The following ADGRV1 variants were observed in gnomAD, a reference collection of about 807,000 sequenced individuals.
ADGRV1 encodes G-protein coupled receptor 98.
ADGRV1 carries 359 observed loss-of-function variants against 596.2 expected under a neutral mutation model. That is an observed-to-expected ratio of 0.60 (90% CI 0.55 to 0.66). The LOEUF (loss-of-function observed/expected upper bound fraction) is 0.66, where lower values mean the gene tolerates loss of function less well. ADGRV1 is among the 30% of genes least tolerant of loss of function. The pLI, the probability that ADGRV1 is intolerant of heterozygous loss-of-function variation, is 0.00. For synonymous variants in ADGRV1, 2,681 were observed against 2,679.2 expected (o/e 1.00, Z -0.02); for missense variants, 7,274 against 7,575.6 (o/e 0.96, Z 1.48).
intron 53 of ADGRV1, 39 bp downstream of exon 53, chr5:90,750,736 T>C (rs1293110077): frequency 6.4e-7 from 1 of 1,552,560 alleles, no homozygotes; most frequent in Non-Finnish European, 8.9e-7. Flanking sequence ...ACTTTTAAAT[T>C]ATGGTTACTA....
intron 85 of ADGRV1, among the ~76,000 whole-genome samples, chr5:91,009,167 C>T (rs930538636): frequency 6.6e-6 from 1 of 152,142 alleles, no homozygotes; most frequent in African/African-American, 2.4e-5. Context: ...TGAGTTCTTT[C>T]AAGCTTGACA....
At chr5:90,592,880 A>C (rs763919084) in intron 1 of ADGRV1, among the ~76,000 whole-genome samples, 2 of 152,232 alleles carry the variant, frequency 1.3e-5, no homozygotes, top group Non-Finnish European at 2.9e-5. Flanking sequence ...GAGAAATGCA[A>C]ATCAAAACCA....
intron 87 of ADGRV1, among the ~76,000 whole-genome samples, chr5:91,119,321 T>A (rs1793111538): frequency 1.3e-5 from 2 of 152,228 alleles, no homozygotes; most frequent in African/African-American, 4.8e-5. Context: ...ACTGGGTTCC[T>A]GAAGTCAGCC....
rs201009629 is a variant in ADGRV1 at position 90,691,029 on chromosome 5, G to A, written c.6939G>A (p.Pro2313=). The change falls in exon 31 of 90, where the codon CCG becomes CCA. Residue 2313 remains proline (P), a synonymous_variant. Coordinates refer to ENST00000405460, the MANE Select transcript of ADGRV1 (RefSeq NM_032119.4). ...TAGAGGTCCTGGCTGACGACGTTCCGGAGATTGAAGAGGTGAGAGGACTGG... is the reference window on the plus strand; with the variant it reads ...TAGAGGTCCTGGCTGACGACGTTCCAGAGATTGAAGAGGTGAGAGGACTGG... ...LLLEVLADDV[P]EIEEVIQVQL... 2.2e-5 allele frequency: 35 copies of A among 1,613,540 alleles called. No homozygotes were observed. The highest frequency in any genetic ancestry group is 1.5e-4 in the Admixed American group (9 of 59,992).
At position 90,694,046 on chromosome 5, in the gene ADGRV1, T is replaced by G. The variant is rs551877231; in HGVS notation, c.7290T>G (p.Ser2430=). ...TTTGGAGAACTTGGATGAATGTCTC[T>G]GCCGTGGGGGAGCCCCTGTATACCT... ...DPLWRTWMNV[S]AVGEPLYTCA... The change falls in exon 33 of 90, where the codon TCT becomes TCG. Residue 2430 remains serine (S), a synonymous_variant. Coordinates refer to ENST00000405460, the MANE Select transcript of ADGRV1 (RefSeq NM_032119.4). The G allele has an allele frequency of 1.9e-6, 3 of 1,613,790 alleles. No individual in the cohort carries two copies. Among genetic ancestry groups the G allele is most frequent in the Non-Finnish European group, 2.5e-6 (3 of 1,179,824 alleles).
chr5:90,648,633 T>A (rs1768144242), intron 17 of ADGRV1, among the ~76,000 whole-genome samples: 2 of 152,208 alleles, frequency 1.3e-5, no homozygotes, highest in African/African-American at 4.8e-5. Flanking sequence ...AATTATTGTT[T>A]TAGCTGTGTC....
chr5:90,773,436 A>T (rs1357868366), intron 59 of ADGRV1, among the ~76,000 whole-genome samples: 1 of 152,166 alleles, frequency 6.6e-6, no homozygotes, highest in Non-Finnish European at 1.5e-5. Flanking sequence ...AAGAAAAAAA[A>T]TAAGAAAAAA....
chr5:91,057,373 A>C (rs1170571971), intron 85 of ADGRV1, among the ~76,000 whole-genome samples: 1 of 152,252 alleles, frequency 6.6e-6, no homozygotes, highest in Non-Finnish European at 1.5e-5. Context: ...ACAATTAAGA[A>C]GTTTGGCTAC....
rs1470037872 is a variant in ADGRV1, at chr5:90,652,394, G to A, written c.3465G>A (p.Gln1155=). The change falls in exon 19 of 90, where the codon CAG becomes CAA. Residue 1155 remains glutamine, a synonymous_variant. Transcript: ENST00000405460. ...GYFGSVSVSW[Q]LFQNDSALQP... ...TTGGTAGTGTTTCTGTATCTTGGCA[G>A]CTCTTTCAGAATGATTCTGCTTTGC... is the stretch of plus-strand genomic sequence containing the variant. 6.2e-7 allele frequency: 1 copy of A among 1,610,174 alleles called. No individual in the cohort carries two copies. Among genetic ancestry groups the A allele is most frequent in the Non-Finnish European group, 8.5e-7 (1 of 1,178,400 alleles).
chr5:91,061,056 C>T (rs1330425621), intron 85 of ADGRV1, among the ~76,000 whole-genome samples: 1 of 152,176 alleles, frequency 6.6e-6, no homozygotes, highest in Non-Finnish European at 1.5e-5. Flanking sequence ...GAAACTCTCC[C>T]TTTTCTAGAA....
intron 11 of ADGRV1, 38 bp downstream of exon 11, chr5:90,637,986 G>T: frequency 2.6e-5 from 36 of 1,368,346 alleles, no homozygotes; most frequent in East Asian, 9.4e-5. Flanking sequence ...TATCATTTAT[G>T]TTTGAGTTCT....
intron 83 of ADGRV1, among the ~76,000 whole-genome samples, chr5:90,916,797 TA>T (rs1773416763): frequency 8.7e-6 from 1 of 115,096 alleles, no homozygotes; most frequent in South Asian, 3.2e-4. Flanking sequence ...TACGCCCGGC[TA>T]ATTTTTTGTA....
At chr5:91,084,818 TG>T (rs1789718025) in intron 86 of ADGRV1, among the ~76,000 whole-genome samples, 1 of 152,174 alleles carries the variant, frequency 6.6e-6, no homozygotes, top group Non-Finnish European at 1.5e-5. Context: ...AGCAAAGACT[TG>T]GAACCAACCC....
At chr5:90,741,829 A>G (rs549443879) in intron 50 of ADGRV1, among the ~76,000 whole-genome samples, 2 of 152,216 alleles carry the variant, frequency 1.3e-5, no homozygotes, top group Non-Finnish European at 2.9e-5. Flanking sequence ...TATGCATTAA[A>G]TAATGTTCAA....
intron 77 of ADGRV1, among the ~76,000 whole-genome samples, chr5:90,837,533 G>C (rs1368913852): frequency 6.6e-6 from 1 of 151,838 alleles, no homozygotes; most frequent in Non-Finnish European, 1.5e-5. Context: ...ATCATGACCG[G>C]CTAGTTTTTG....
chr5:90,638,759 G>A (rs1052347043), intron 11 of ADGRV1, among the ~76,000 whole-genome samples: 2 of 152,142 alleles, frequency 1.3e-5, no homozygotes, highest in African/African-American at 4.8e-5. Context: ...GACATTTTGT[G>A]TTACATTATT....
At position 91,121,095 on chromosome 5, in the gene ADGRV1, A is replaced by G. The variant is rs114041654; in HGVS notation, c.18432+18755A>G. ...AGGCTGAGGTAGGAGAATCGCTTCA[A>G]CCCTGGAAGAGGAGGCTGCAGTGAG... On this transcript the variant is annotated intron_variant, in intron 87 of 89. Coordinates refer to ENST00000405460, the MANE Select transcript of ADGRV1 (RefSeq NM_032119.4). Among the ~76,000 whole-genome samples the G allele has an allele frequency of 3.8e-3, 585 of 152,248 alleles. 3 individuals are homozygous for G. The highest frequency in any genetic ancestry group is 0.014 in the African/African-American group (563 of 41,552).
chr5:90,808,838 A>G (rs1165433633), intron 73 of ADGRV1, among the ~76,000 whole-genome samples: 1 of 152,084 alleles, frequency 6.6e-6, no homozygotes. Flanking sequence ...AGAGGTTGCA[A>G]TGAACTGAGA....
Position 90,783,915 on chromosome 5 carries a change from G to GAATCATAAT in ADGRV1, c.13513_13521dup (p.Ile4505_Ile4507dup). On this transcript the variant is annotated inframe_insertion, in exon 67 of 90. Coordinates refer to ENST00000405460, the MANE Select transcript of ADGRV1 (RefSeq NM_032119.4). ...GTCCTTGGGCGCCACCTAGTGAGCA[G>GAATCATAAT]AATCATAATAGCTAAGAGTGACTCT... The GAATCATAAT allele has an allele frequency of 6.2e-7, 1 of 1,612,440 alleles. No homozygotes were observed. The highest frequency in any genetic ancestry group is 1.7e-4 in the Middle Eastern group (1 of 6,024).
Sources: allele counts gnomAD v4.1 joint callset (sites outside exome capture counted in the v4.1 genomes callset), GRCh38; gene constraint gnomAD v4.1.1; transcripts MANE v1.5; gene names NCBI Gene and HGNC (gene_info 2026-07-23, HGNC 2026-07-21).